The following TENT4B variants were observed in gnomAD, a reference collection of about 807,000 sequenced individuals.
TENT4B encodes terminal nucleotidyltransferase 4B.
Under a neutral mutation model 75.0 loss-of-function variants are expected in TENT4B, and 10 were observed. The ratio of observed to expected loss-of-function variants is 0.13; its 90% CI spans 0.08 to 0.23. TENT4B has a LOEUF of 0.23. Among genes scored for constraint, TENT4B ranks in the 10% least tolerant of loss-of-function variants. The pLI is 1.00. For synonymous variants in TENT4B, 350 were observed against 357.7 expected (o/e 0.98, Z 0.24); for missense variants, 579 against 893.8 (o/e 0.65, Z 4.49).
intron 1 of TENT4B, among the ~76,000 whole-genome samples, chr16:50,196,485 CATT>C (rs1290263874): frequency 3.0e-4 from 27 of 90,254 alleles, no homozygotes; most frequent in African/African-American, 5.6e-4. Flanking sequence ...TTTAGTTTAT[CATT>C]ATCATCATCA....
chr16:50,173,915 A>T (rs1263565177), intron 1 of TENT4B, among the ~76,000 whole-genome samples: 1 of 150,568 alleles, frequency 6.6e-6, no homozygotes, highest in African/African-American at 2.4e-5. Context: ...GCTGGTCTTG[A>T]ACTCCTGACC....
In TENT4B at chr16:50,217,797, ACT is replaced by A. The variant is rs1460296336; in HGVS notation, c.1038+137_1038+138del. The stretch of plus-strand genomic sequence containing the variant: ...CTCTTTTAAATAGAGCTAGGGTCTC[ACT>A]CTGTCACCTAGGCTGGAGTGCAGTG... On this transcript the variant is annotated intron_variant, in intron 5 of 11. Coordinates refer to ENST00000561678, the MANE Select transcript of TENT4B (RefSeq NM_001365324.3). 6.3e-6 allele frequency: 3 copies of A among 475,178 alleles called. No homozygotes were observed. The East Asian group carries it at 1.0e-4, about 17-fold the overall frequency. The allele number at this position is 475,178 out of a possible 1,614,324, so 29.4% of individuals were successfully genotyped here. A position where few individuals can be genotyped will look rare whatever the true frequency, so the allele number is the denominator to read the frequency against.
intron 2 of TENT4B, among the ~76,000 whole-genome samples, chr16:50,211,927 C>A (rs1256750597): frequency 6.6e-6 from 1 of 152,152 alleles, no homozygotes; most frequent in East Asian, 1.9e-4. Context: ...TTTCTTATTT[C>A]TTTCCTGAAA....
At position 50,235,229 on chromosome 16, in the gene TENT4B, C is replaced by T. The variant is rs1339873481; in HGVS notation, c.*5901C>T. On this transcript the variant is annotated 3_prime_UTR_variant, in exon 12 of 12. Coordinates refer to ENST00000561678, the MANE Select transcript of TENT4B (RefSeq NM_001365324.3). ...TTATAAATTGCATTTCTATGCACAT[C>T]GGCCTCTAGTGCTTACCACTCGGTT... 2.3e-5 allele frequency: 4 copies of T among 172,948 alleles called. No homozygotes were observed. Among genetic ancestry groups the T allele is most frequent in the South Asian group, 1.9e-4 (1 of 5,210 alleles). The allele number at this position is 172,948 out of a possible 1,614,324, so 10.7% of individuals were successfully genotyped here.
intron 1 of TENT4B, among the ~76,000 whole-genome samples, chr16:50,168,889 G>T (rs982319614): frequency 6.7e-6 from 1 of 149,760 alleles, no homozygotes; most frequent in Non-Finnish European, 1.5e-5. Flanking sequence ...CAGGTGGTCC[G>T]TCCACTTCGG....
chr16:50,204,452 G>A (rs2150726299), intron 1 of TENT4B, among the ~76,000 whole-genome samples: 2 of 152,316 alleles, frequency 1.3e-5, no homozygotes, highest in Middle Eastern at 6.8e-3. Flanking sequence ...ATAGGTTTAA[G>A]AGAATGACAA....
chr16:50,230,982 C>G lies in TENT4B; in HGVS notation c.*1654C>G, dbSNP rs1410572679. ...TTCTTTTATATACATTTATGAAATA[C>G]TGAAGACCAATCAGACCATTAATGG... On this transcript the variant is annotated 3_prime_UTR_variant, in exon 12 of 12. Coordinates refer to ENST00000561678, the MANE Select transcript of TENT4B (RefSeq NM_001365324.3). 1 of 981,798 alleles carries G rather than the reference C, an allele frequency of 1.0e-6. No homozygotes were observed. The highest frequency in any genetic ancestry group is 1.8e-5 in the African/African-American group (1 of 57,118). The allele number at this position is 981,798 out of a possible 1,614,324, so 60.8% of individuals were successfully genotyped here.
chr16:50,202,468 G>A (rs1281305121), intron 1 of TENT4B, among the ~76,000 whole-genome samples: 1 of 152,140 alleles, frequency 6.6e-6, no homozygotes, highest in Non-Finnish European at 1.5e-5. Context: ...GGACCTTGTA[G>A]CTAAGGAAAG....
At chr16:50,188,856 C>T (rs2038585798) in intron 1 of TENT4B, among the ~76,000 whole-genome samples, 1 of 152,052 alleles carries the variant, frequency 6.6e-6, no homozygotes, top group Non-Finnish European at 1.5e-5. Context: ...ATAGCAAGAC[C>T]CTGATACCTT....
In TENT4B at chr16:50,232,348, C is replaced by T; in HGVS notation, c.*3020C>T. 1 of 985,230 alleles carries T rather than the reference C, an allele frequency of 1.0e-6. No homozygotes were observed. Among genetic ancestry groups the T allele is most frequent in the Non-Finnish European group, 1.2e-6 (1 of 829,848 alleles). 61.0% of individuals were successfully genotyped at this position (985,230 alleles called of 1,614,324 possible). On this transcript the variant is annotated 3_prime_UTR_variant, in exon 12 of 12. Coordinates refer to ENST00000561678, the MANE Select transcript of TENT4B (RefSeq NM_001365324.3). ...ACAGTTGATTCTGTTTTATTTTTAT[C>T]CTGTTTTGAGTGTACTTTACCTTTA...
At chr16:50,219,761 CT>C (rs2031739314) in intron 5 of TENT4B, among the ~76,000 whole-genome samples, 1 of 143,052 alleles carries the variant, frequency 7.0e-6, no homozygotes, top group African/African-American at 2.6e-5. Flanking sequence ...TTTCTTTTCT[CT>C]TTTCTCTTCT....
chr16:50,153,635 T>A lies in TENT4B; in HGVS notation c.14T>A (p.Ile5Asn). Reference sequence around the variant, plus strand: ...CGCCGCCGTTTGATGGATCCGAGGATCGCCTGGTTTCAGCCAGAGCAGCTC... The same window carrying A: ...CGCCGCCGTTTGATGGATCCGAGGAACGCCTGGTTTCAGCCAGAGCAGCTC... MDPR[I>N]AWFQPEQLGP... Residue 5 changes from isoleucine to asparagine, a missense_variant, in exon 1 of 12, where the codon ATC becomes AAC. Physicochemically the swap from Ile to Asn is moderately radical, Grantham distance 149. Transcript: ENST00000561678. 1 of 1,001,732 alleles carries A rather than the reference T, an allele frequency of 1.0e-6. No individual in the cohort carries two copies. Among genetic ancestry groups the A allele is most frequent in the Non-Finnish European group, 1.2e-6 (1 of 842,852 alleles). 62.1% of individuals were successfully genotyped at this position (1,001,732 alleles called of 1,614,324 possible).
chr16:50,220,549 G>A (rs185946789), intron 5 of TENT4B, among the ~76,000 whole-genome samples: 43 of 151,982 alleles, frequency 2.8e-4, no homozygotes, highest in African/African-American at 9.9e-4. Flanking sequence ...TGTTTTTTGA[G>A]ACAGAGTCTT....
At chr16:50,222,065 C>T (rs182672982) in intron 5 of TENT4B, among the ~76,000 whole-genome samples, 296 of 152,282 alleles carry the variant, frequency 1.9e-3, no homozygotes, top group Middle Eastern at 6.8e-3. Context: ...ATGCCCAGCC[C>T]TGTAGCAAGT....
At chr16:50,228,114 C>A in intron 11 of TENT4B, 111 bp downstream of exon 11, 2 of 1,319,386 alleles carry the variant, frequency 1.5e-6, no homozygotes, top group South Asian at 1.4e-5. Flanking sequence ...GATTGAAGAA[C>A]AAACTTATTT....
At chr16:50,158,043 G>A (rs9932390) in intron 1 of TENT4B, among the ~76,000 whole-genome samples, 3,069 of 152,204 alleles carry the variant, frequency 0.02, 106 homozygotes, top group African/African-American at 0.071. Flanking sequence ...GGGATTACAG[G>A]TGTGAGCCAC....
chr16:50,212,527 GT>G (rs1387428785), intron 2 of TENT4B, among the ~76,000 whole-genome samples: 5 of 152,194 alleles, frequency 3.3e-5, no homozygotes, highest in Middle Eastern at 3.4e-3. Context: ...GCTAGGGAAG[GT>G]TTTTTTCCAA....
At chr16:50,224,398 A>G (rs2031955111) in intron 7 of TENT4B, among the ~76,000 whole-genome samples, 1 of 152,204 alleles carries the variant, frequency 6.6e-6, no homozygotes, top group South Asian at 2.1e-4. Context: ...TTTTGTTTGC[A>G]TAACTGTTTA....
At chr16:50,222,102 A>G (rs980830099) in intron 5 of TENT4B, among the ~76,000 whole-genome samples, 1 of 152,170 alleles carries the variant, frequency 6.6e-6, no homozygotes, top group Admixed American at 6.5e-5. Flanking sequence ...TCATTTGTAC[A>G]TGTCTTACAA....
Sources: gnomAD v4.1 joint callset for allele counts (sites outside exome capture counted in the v4.1 genomes callset) on GRCh38, gnomAD v4.1.1 for gene constraint, MANE v1.5 for transcripts, NCBI Gene and HGNC (gene_info 2026-07-23, HGNC 2026-07-21) for gene names.